YAP1: variants seen among roughly 807,000 people sequenced by gnomAD.
YAP1 encodes the protein transcriptional coactivator YAP1.
In YAP1, 5 loss-of-function variants were observed where a neutral mutation model predicts 56.9. The observed-to-expected ratio is 0.09, with a 90% CI of 0.05 to 0.18. The LOEUF (loss-of-function observed/expected upper bound fraction) is 0.18, where lower values mean the gene tolerates loss of function less well. Among genes scored for constraint, YAP1 ranks in the 10% least tolerant of loss-of-function variants. The probability of loss-of-function intolerance (pLI) is 1.00; values close to 1 mark genes in which losing one functional copy is unlikely to be tolerated. For missense variants in YAP1, 539 were observed against 651.8 expected (o/e 0.83, Z 1.88); for synonymous variants, 265 against 248.1 (o/e 1.07, Z -0.64).
intron 8 of YAP1, among the ~76,000 whole-genome samples, chr11:102,228,049 C>CAAA (rs35908272): frequency 9.0e-6 from 1 of 111,566 alleles, no homozygotes; most frequent in African/African-American, 3.4e-5. Context: ...GACCTCTTCT[C>CAAA]AAAAAAAAAA....
chr11:102,130,704 C>T (rs1180456145), intron 2 of YAP1, among the ~76,000 whole-genome samples: 3 of 150,032 alleles, frequency 2.0e-5, no homozygotes, highest in East Asian at 3.9e-4. Context: ...CACCTGACCT[C>T]TCCTGGATAA....
intron 6 of YAP1, among the ~76,000 whole-genome samples, chr11:102,213,770 C>G (rs758515044): frequency 6.6e-6 from 1 of 152,036 alleles, no homozygotes. Context: ...AGATTCATTC[C>G]CAAGTGCCCT....
intron 3 of YAP1, among the ~76,000 whole-genome samples, chr11:102,182,381 T>G (rs1488754142): frequency 6.6e-6 from 1 of 152,190 alleles, no homozygotes; most frequent in African/African-American, 2.4e-5. Flanking sequence ...ATTTCCCCCC[T>G]TGGACTTAAC....
intron 2 of YAP1, among the ~76,000 whole-genome samples, chr11:102,128,805 C>G (rs1017816066): frequency 6.6e-6 from 1 of 152,112 alleles, no homozygotes; most frequent in Non-Finnish European, 1.5e-5. Flanking sequence ...GGGAGGTAGT[C>G]CTATCTGTTC....
At chr11:102,183,574 C>T (rs1340358618) in intron 3 of YAP1, among the ~76,000 whole-genome samples, 2 of 151,848 alleles carry the variant, frequency 1.3e-5, no homozygotes, top group African/African-American at 2.4e-5. Flanking sequence ...TGTGGCAGAC[C>T]CATCGGAGAG....
chr11:102,206,179 T>C, intron 5 of YAP1, 105 bp downstream of exon 5: 2 of 1,359,568 alleles, frequency 1.5e-6, no homozygotes, highest in Non-Finnish European at 2.0e-6. Flanking sequence ...GAATGTTGTC[T>C]TTGTAAAACT....
At chr11:102,218,728 G>A (rs944271548) in intron 6 of YAP1, among the ~76,000 whole-genome samples, 8 of 152,160 alleles carry the variant, frequency 5.3e-5, no homozygotes, top group East Asian at 1.9e-4. Flanking sequence ...TCAAGGGGTC[G>A]GATATCTCCT....
At chr11:102,149,957 A>G (rs948086189) in intron 2 of YAP1, among the ~76,000 whole-genome samples, 1 of 151,280 alleles carries the variant, frequency 6.6e-6, no homozygotes, top group African/African-American at 2.4e-5. Flanking sequence ...TTTGCTAAAA[A>G]AGAGATTTTG....
chr11:102,181,403 G>T (rs145801203), intron 3 of YAP1, among the ~76,000 whole-genome samples: 2 of 151,388 alleles, frequency 1.3e-5, no homozygotes, highest in Admixed American at 1.3e-4. Flanking sequence ...CCGAGATTGC[G>T]CCACTGCACT....
chr11:102,119,501 C>G (rs896628131), intron 2 of YAP1, among the ~76,000 whole-genome samples: 1 of 151,812 alleles, frequency 6.6e-6, no homozygotes, highest in Admixed American at 6.6e-5. Context: ...TTAAATGTAG[C>G]AGACTCAATT....
intron 6 of YAP1, 69 bp from the exon 7 acceptor site, chr11:102,223,553 A>C: frequency 6.5e-7 from 1 of 1,537,100 alleles, no homozygotes; most frequent in South Asian, 1.2e-5. Context: ...TGAACGTTTT[A>C]TTTCTTTAAA....
chr11:102,213,478 T>G (rs1949512976), intron 6 of YAP1, among the ~76,000 whole-genome samples: 1 of 152,080 alleles, frequency 6.6e-6, no homozygotes, highest in Non-Finnish European at 1.5e-5. Flanking sequence ...AGAGCAAAAC[T>G]CCGTCTTGAA....
chr11:102,128,098 T>G (rs1003472566), intron 2 of YAP1, among the ~76,000 whole-genome samples: 2 of 152,214 alleles, frequency 1.3e-5, no homozygotes, highest in Admixed American at 1.3e-4. Flanking sequence ...GACTTTGGAC[T>G]GTGGACTTTT....
At chr11:102,164,125 C>T (rs760251140) in intron 3 of YAP1, among the ~76,000 whole-genome samples, 1 of 151,772 alleles carries the variant, frequency 6.6e-6, no homozygotes, top group African/African-American at 2.4e-5. Flanking sequence ...GCAACCTCTG[C>T]CTCCCAGGTT....
At chr11:102,182,681 C>G (rs559937988) in intron 3 of YAP1, among the ~76,000 whole-genome samples, 2 of 152,148 alleles carry the variant, frequency 1.3e-5, no homozygotes, top group Admixed American at 1.3e-4. Context: ...TATCTTAATT[C>G]TATGACAAAG....
intron 3 of YAP1, among the ~76,000 whole-genome samples, chr11:102,182,993 A>G (rs909634386): frequency 6.6e-6 from 1 of 152,218 alleles, no homozygotes; most frequent in African/African-American, 2.4e-5. Flanking sequence ...CTTCCATCAA[A>G]CATTTATTGA....
At chr11:102,176,825 G>T (rs1296686369) in intron 3 of YAP1, among the ~76,000 whole-genome samples, 1 of 149,320 alleles carries the variant, frequency 6.7e-6, no homozygotes. Flanking sequence ...GAGGACACAG[G>T]CTTTGGGGTG....
At chr11:102,179,734 A>G (rs1185339978) in intron 3 of YAP1, among the ~76,000 whole-genome samples, 1 of 152,118 alleles carries the variant, frequency 6.6e-6, no homozygotes, top group East Asian at 1.9e-4. Flanking sequence ...ACGTATCATT[A>G]GCCAACATTG....
intron 6 of YAP1, among the ~76,000 whole-genome samples, chr11:102,212,239 C>T (rs138584988): frequency 7.9e-5 from 12 of 152,236 alleles, no homozygotes; most frequent in African/African-American, 2.6e-4. Context: ...AATCGTATAC[C>T]TCATATGCTG....
Sources: gnomAD v4.1 joint callset for allele counts (sites outside exome capture counted in the v4.1 genomes callset) on GRCh38, gnomAD v4.1.1 for gene constraint, MANE v1.5 for transcripts, NCBI Gene and HGNC (gene_info 2026-07-23, HGNC 2026-07-21) for gene names.